The following HOMER2 variants were observed in gnomAD, a reference collection of about 807,000 sequenced individuals.
The protein encoded by HOMER2 is homer protein homolog 2.
HOMER2 carries 27 observed loss-of-function variants against 47.0 expected under a neutral mutation model. The observed-to-expected ratio is 0.57, with a 90% CI of 0.42 to 0.79. The LOEUF (loss-of-function observed/expected upper bound fraction) is 0.79, where lower values mean the gene tolerates loss of function less well. HOMER2 is among the 30% of genes least tolerant of loss of function. The pLI, the probability that HOMER2 is intolerant of heterozygous loss-of-function variation, is 0.00. For missense variants in HOMER2, 443 were observed against 435.0 expected, an observed-to-expected ratio of 1.02 and a Z score of -0.16; for synonymous variants, 161 against 163.8, an observed-to-expected ratio of 0.98 and a Z score of 0.13.
intron 1 of HOMER2, among the ~76,000 whole-genome samples, chr15:82,966,399 G>A (rs749288828): frequency 6.6e-6 from 1 of 152,104 alleles, no homozygotes; most frequent in Non-Finnish European, 1.5e-5. Context: ...AGAATAAAAG[G>A]GGGGGAAAGA....
chr15:82,853,430 G>A (rs1567012984), intron 6 of HOMER2, among the ~76,000 whole-genome samples: 1 of 152,198 alleles, frequency 6.6e-6, no homozygotes, highest in Non-Finnish European at 1.5e-5. Context: ...TCAGCACCAA[G>A]ATGAAAAAAT....
At chr15:82,902,300 T>C (rs973231092) in intron 1 of HOMER2, among the ~76,000 whole-genome samples, 3 of 150,532 alleles carry the variant, frequency 2.0e-5, no homozygotes, top group African/African-American at 4.9e-5. Context: ...CAGGTTCAAG[T>C]GATTCTCCTG....
chr15:82,858,809 C>T (rs1258696016), intron 5 of HOMER2, among the ~76,000 whole-genome samples: 3 of 152,038 alleles, frequency 2.0e-5, no homozygotes, highest in African/African-American at 7.2e-5. Flanking sequence ...CACACACACA[C>T]TCTCTATTTC....
chr15:82,893,695 G>C (rs2052803742), intron 1 of HOMER2, among the ~76,000 whole-genome samples: 1 of 149,970 alleles, frequency 6.7e-6, no homozygotes, highest in African/African-American at 2.5e-5. Context: ...TGCAATCATA[G>C]CTCACTGCAG....
chr15:82,876,444 G>A (rs1403345983), intron 2 of HOMER2, among the ~76,000 whole-genome samples: 1 of 152,188 alleles, frequency 6.6e-6, no homozygotes, highest in Non-Finnish European at 1.5e-5. Flanking sequence ...GTCAGGAAGA[G>A]GGCAAAGACA....
intron 1 of HOMER2, among the ~76,000 whole-genome samples, chr15:82,911,890 TGTG>T (rs1332651014): frequency 6.6e-6 from 1 of 151,936 alleles, no homozygotes. Context: ...ATTAGCTAGG[TGTG>T]GTGGCAAGTA....
At chr15:82,912,667 C>A (rs939325271) in intron 1 of HOMER2, among the ~76,000 whole-genome samples, 2 of 152,210 alleles carry the variant, frequency 1.3e-5, no homozygotes, top group South Asian at 4.1e-4. Flanking sequence ...AACCGTCAGG[C>A]TGGCTTCCAA....
downstream of HOMER2, chr15:82,836,042 A>G (rs1216471987): frequency 6.6e-6 from 1 of 152,264 alleles, no homozygotes; most frequent in African/African-American, 2.4e-5. Flanking sequence ...GCTGCCAAAC[A>G]CAAGAGGCCT....
chr15:82,911,088 A>T (rs766129475), intron 1 of HOMER2, among the ~76,000 whole-genome samples: 1 of 152,226 alleles, frequency 6.6e-6, no homozygotes, highest in Non-Finnish European at 1.5e-5. Flanking sequence ...TGTTGATTAT[A>T]GGTGTAAGAC....
intron 2 of HOMER2, among the ~76,000 whole-genome samples, chr15:82,892,024 TCC>T (rs1436235239): frequency 1.3e-5 from 2 of 151,838 alleles, no homozygotes; most frequent in African/African-American, 4.8e-5. Context: ...TCTGCTGGTA[TCC>T]CTTCTTAATT....
intron 1 of HOMER2, among the ~76,000 whole-genome samples, chr15:82,945,995 AGAT>A (rs1043268509): frequency 6.6e-6 from 1 of 151,968 alleles, no homozygotes; most frequent in African/African-American, 2.4e-5. Flanking sequence ...AAAAAGTGGT[AGAT>A]GATAAAGGGT....
intron 1 of HOMER2, among the ~76,000 whole-genome samples, chr15:82,918,639 C>T (rs2053651918): frequency 6.6e-6 from 1 of 152,102 alleles, no homozygotes; most frequent in South Asian, 2.1e-4. Context: ...TCTCCTGAAC[C>T]CCATGCTTGC....
chr15:82,862,987 T>C (rs780347899), intron 4 of HOMER2, among the ~76,000 whole-genome samples: 2 of 152,074 alleles, frequency 1.3e-5, no homozygotes, highest in Non-Finnish European at 2.9e-5. Flanking sequence ...CTCCCTGTCA[T>C]CTTTGCTGGC....
At chr15:82,948,371 A>T (rs1222219620) in intron 1 of HOMER2, among the ~76,000 whole-genome samples, 2 of 144,930 alleles carry the variant, frequency 1.4e-5, no homozygotes, top group African/African-American at 5.2e-5. Context: ...AGCCTGGGCG[A>T]CAGACAGAGA....
chr15:82,866,657 G>A (rs1015234759), intron 3 of HOMER2, among the ~76,000 whole-genome samples: 19 of 152,120 alleles, frequency 1.2e-4, no homozygotes, highest in Admixed American at 5.2e-4. Flanking sequence ...CTGAATCATC[G>A]GGGCGGGTCT....
At position 82,905,279 on chromosome 15, in the gene HOMER2, G is replaced by GAAA. The variant is rs35323193; in HGVS notation, c.6-12441_6-12439dup. 3.1e-3 allele frequency among the ~76,000 whole-genome samples: 418 copies of GAAA among 134,250 alleles called. 1 individual carries two copies. The highest frequency in any genetic ancestry group is 0.011 in the Middle Eastern group (3 of 272). 88.1% of individuals were successfully genotyped at this position (134,250 alleles called of 152,430 possible). On this transcript the variant is annotated intron_variant, in intron 1 of 8. Coordinates refer to ENST00000450735, the MANE Select transcript of HOMER2 (RefSeq NM_004839.4). ...AACTAAAAAGCAAAGAGAAAAGACTGAAAAAAAAAAAACCACCAAAAAACA... is the reference window on the plus strand; with the variant it reads ...AACTAAAAAGCAAAGAGAAAAGACTGAAAAAAAAAAAAAAACCACCAAAAAACA...
intron 3 of HOMER2, among the ~76,000 whole-genome samples, chr15:82,874,433 T>C (rs1366925524): frequency 6.6e-6 from 1 of 152,234 alleles, no homozygotes; most frequent in Non-Finnish European, 1.5e-5. Context: ...ATGTAGTCTC[T>C]AAAACAGGCT....
At chr15:82,967,890 C>A (rs79492694) in intron 1 of HOMER2, among the ~76,000 whole-genome samples, 355 of 151,304 alleles carry the variant, frequency 2.3e-3, no homozygotes, top group African/African-American at 7.5e-3. Flanking sequence ...AAAAAAAAAA[C>A]CAAACAAACA....
At chr15:82,897,522 T>C (rs182536952) in intron 1 of HOMER2, among the ~76,000 whole-genome samples, 1 of 152,260 alleles carries the variant, frequency 6.6e-6, no homozygotes, top group Non-Finnish European at 1.5e-5. Context: ...TCCCCTCCTC[T>C]TGAGTGTGGG....
Sources: allele counts gnomAD v4.1 joint callset (sites outside exome capture counted in the v4.1 genomes callset), GRCh38; gene constraint gnomAD v4.1.1; transcripts MANE v1.5; gene names NCBI Gene and HGNC (gene_info 2026-07-23, HGNC 2026-07-21).